Variants in HEPHL1 observed in about 807,000 individuals in gnomAD.
HEPHL1 encodes hephaestin like 1.
HEPHL1 carries 123 observed loss-of-function variants against 122.0 expected under a neutral mutation model. The observed-to-expected ratio is 1.01, with a 90% CI of 0.87 to 1.17. The LOEUF (loss-of-function observed/expected upper bound fraction) is 1.17, where lower values mean the gene tolerates loss of function less well. Ranked by LOEUF, HEPHL1 falls within the 50% of genes most tolerant of loss-of-function variation. The pLI is 0.00. For synonymous variants in HEPHL1, 527 were observed against 508.9 expected (o/e 1.04, Z -0.48); for missense variants, 1,452 against 1,430.5 (o/e 1.01, Z -0.24).
chr11:94,062,339 A>C (rs1293310558), intron 2 of HEPHL1, among the ~76,000 whole-genome samples: 2 of 152,230 alleles, frequency 1.3e-5, no homozygotes, highest in East Asian at 3.8e-4. Flanking sequence ...TAGTTGGCAC[A>C]TAATAAGGGC....
intron 10 of HEPHL1, among the ~76,000 whole-genome samples, chr11:94,082,846 C>T (rs551534422): frequency 6.6e-6 from 1 of 152,148 alleles, no homozygotes; most frequent in Non-Finnish European, 1.5e-5. Flanking sequence ...CCTGTAATCC[C>T]AGCACTTTGG....
intron 2 of HEPHL1, among the ~76,000 whole-genome samples, chr11:94,053,897 AT>A (rs1565350009): frequency 6.6e-6 from 1 of 152,222 alleles, no homozygotes; most frequent in Non-Finnish European, 1.5e-5. Context: ...AGAATCATCC[AT>A]GTGCTCTGTA....
At chr11:94,094,809 A>G (rs559279662) in intron 13 of HEPHL1, among the ~76,000 whole-genome samples, 3 of 152,184 alleles carry the variant, frequency 2.0e-5, no homozygotes, top group African/African-American at 4.8e-5. Context: ...TTTGAGAAGC[A>G]TCTGTTCATA....
At chr11:94,071,504 A>G (rs1351488440) in intron 6 of HEPHL1, among the ~76,000 whole-genome samples, 1 of 152,276 alleles carries the variant, frequency 6.6e-6, no homozygotes, top group Admixed American at 6.6e-5. Context: ...TTAGCATTCA[A>G]AATTGTCTTA....
At chr11:94,030,518 C>T (rs2134404351) in intron 1 of HEPHL1, among the ~76,000 whole-genome samples, 1 of 152,284 alleles carries the variant, frequency 6.6e-6, no homozygotes, top group Middle Eastern at 3.4e-3. Context: ...TCCTCGTTAT[C>T]TCAAGATGGC....
rs148494114 is a variant in HEPHL1, at chr11:94,031,876, G to T, written c.170+10338G>T. On this transcript the variant is annotated intron_variant, in intron 1 of 19. Transcript: ENST00000315765. ...GCACGGATCTCCTTCATCTATAGGA[G>T]AGGCTGAGTACTGAGGAGAGGAGAA... 1.3e-4 allele frequency among the ~76,000 whole-genome samples: 20 copies of T among 152,380 alleles called. No individual in the cohort carries two copies. The East Asian group carries it at 2.9e-3, about 22-fold the overall frequency.
intron 2 of HEPHL1, among the ~76,000 whole-genome samples, chr11:94,051,045 G>T (rs1394281991): frequency 6.6e-6 from 1 of 152,014 alleles, no homozygotes; most frequent in Non-Finnish European, 1.5e-5. Context: ...TATCCATTTG[G>T]CTGCTTATTG....
rs184531383 is a variant in HEPHL1, at chr11:94,021,832, G to T, written c.170+294G>T. On this transcript the variant is annotated intron_variant, in intron 1 of 19. Transcript: ENST00000315765. ...CAGGTACTACTAGTAACTTCTGGGG[G>T]ATTCTGTTTGTTTGTTTGTTTTTAA... is the stretch of plus-strand genomic sequence containing the variant. 2.6e-5 allele frequency among the ~76,000 whole-genome samples: 4 copies of T among 152,280 alleles called. No homozygotes were observed. In the East Asian group the frequency reaches 5.8e-4, roughly 22 times the overall value.
intron 13 of HEPHL1, among the ~76,000 whole-genome samples, chr11:94,093,971 G>GATAGATAGATATATATATATAT (rs71036310): frequency 1.4e-4 from 10 of 72,762 alleles, no homozygotes; most frequent in African/African-American, 2.5e-4. Flanking sequence ...TCCTCCAGCA[G>GATAGATAGATATATATATATAT]ATATATATAT....
intron 2 of HEPHL1, among the ~76,000 whole-genome samples, chr11:94,046,944 A>C (rs1945844590): frequency 6.6e-6 from 1 of 152,120 alleles, no homozygotes; most frequent in African/African-American, 2.4e-5. Context: ...CATTATCATC[A>C]AGGAGGAGTT....
At chr11:94,063,771 T>A in intron 3 of HEPHL1, 51 bp downstream of exon 3, 6 of 1,487,062 alleles carry the variant, frequency 4.0e-6, no homozygotes, top group Non-Finnish European at 5.6e-6. Flanking sequence ...TGAATAAGAT[T>A]CAGGTCTTAT....
At chr11:94,037,437 C>T (rs1158657198) in intron 1 of HEPHL1, among the ~76,000 whole-genome samples, 1 of 152,020 alleles carries the variant, frequency 6.6e-6, no homozygotes, top group Non-Finnish European at 1.5e-5. Context: ...AACAAAAAGA[C>T]AGCAGTAACC....
intron 1 of HEPHL1, among the ~76,000 whole-genome samples, chr11:94,039,232 T>A (rs11020637): frequency 0.31 from 40,368 of 131,902 alleles, 6,839 homozygotes; most frequent in South Asian, 0.41. Context: ...AAGTCCTGAG[T>A]GACCTACAAA....
At chr11:94,048,486 A>C (rs902031758) in intron 2 of HEPHL1, among the ~76,000 whole-genome samples, 1 of 151,876 alleles carries the variant, frequency 6.6e-6, no homozygotes, top group African/African-American at 2.4e-5. Context: ...CACCCTCCCA[A>C]GTAGCTGGGA....
chr11:94,110,509 G>C (rs530457858), intron 17 of HEPHL1, among the ~76,000 whole-genome samples: 1 of 152,192 alleles, frequency 6.6e-6, no homozygotes, highest in Non-Finnish European at 1.5e-5. Context: ...TCCAAGAGAA[G>C]AGGGTGACAG....
At position 94,077,829 on chromosome 11, in the gene HEPHL1, T is replaced by C. The variant is rs954958479; in HGVS notation, c.1716+2444T>C. Among the ~76,000 whole-genome samples the C allele has an allele frequency of 6.6e-5, 10 of 152,334 alleles. No individual in the cohort carries two copies. The East Asian group carries it at 1.9e-3, about 29-fold the overall frequency. On this transcript the variant is annotated intron_variant, in intron 9 of 19. Coordinates refer to ENST00000315765, the MANE Select transcript of HEPHL1 (RefSeq NM_001098672.2). ...TCTCAGGCCAAGCTTGTCTTTGGCT[T>C]TGGGCCTCTGTACCAGGCTCCTTAT... is the stretch of plus-strand genomic sequence containing the variant.
At chr11:94,106,217 A>G (rs1420823023) in intron 17 of HEPHL1, 87 bp downstream of exon 17, 4 of 1,054,866 alleles carry the variant, frequency 3.8e-6, no homozygotes, top group Non-Finnish European at 4.1e-6. Flanking sequence ...GTTACTTGGC[A>G]ATAATGCTTG....
chr11:94,051,907 A>G (rs1945893086), intron 2 of HEPHL1, among the ~76,000 whole-genome samples: 1 of 152,080 alleles, frequency 6.6e-6, no homozygotes, highest in Admixed American at 6.6e-5. Flanking sequence ...TCTTTTCCCC[A>G]GTGTGTGTTC....
chr11:94,060,783 C>A (rs1335880390), intron 2 of HEPHL1, among the ~76,000 whole-genome samples: 1 of 152,188 alleles, frequency 6.6e-6, no homozygotes, highest in Non-Finnish European at 1.5e-5. Context: ...ACACATTTGA[C>A]CTTCATCCCA....
Sources: gnomAD v4.1 joint callset for allele counts (sites outside exome capture counted in the v4.1 genomes callset) on GRCh38, gnomAD v4.1.1 for gene constraint, MANE v1.5 for transcripts, NCBI Gene and HGNC (gene_info 2026-07-23, HGNC 2026-07-21) for gene names.